The following CFAP70 variants were observed in gnomAD, a reference collection of about 807,000 sequenced individuals.
The protein encoded by CFAP70 is cilia- and flagella-associated protein 70.
Under a neutral mutation model 137.6 loss-of-function variants are expected in CFAP70, and 81 were observed. That is an observed-to-expected ratio of 0.59 (90% CI 0.49 to 0.71). The LOEUF (loss-of-function observed/expected upper bound fraction) is 0.71. Among genes scored for constraint, CFAP70 ranks in the 30% least tolerant of loss-of-function variants. CFAP70 has a pLI of 0.00. For synonymous variants in CFAP70, 382 were observed against 423.6 expected, an observed-to-expected ratio of 0.90 and a Z score of 1.20; for missense variants, 976 against 1,226.7, an observed-to-expected ratio of 0.80 and a Z score of 3.05.
chr10:73,301,504 A>T (rs2048952182), intron 12 of CFAP70, among the ~76,000 whole-genome samples: 1 of 152,252 alleles, frequency 6.6e-6, no homozygotes, highest in South Asian at 2.1e-4. Flanking sequence ...ATTAAATGAA[A>T]GAAGCCAGTC....
At chr10:73,277,412 G>A (rs1263496428) in intron 20 of CFAP70, 51 bp from the exon 22 acceptor site, 2 of 1,594,646 alleles carry the variant, frequency 1.3e-6, no homozygotes, top group South Asian at 2.2e-5. Context: ...CAGAAAAAGT[G>A]TCAGAAATTC....
chr10:73,291,215 C>T lies in CFAP70; in HGVS notation c.2239+11G>A. 1.9e-6 allele frequency: 3 copies of T among 1,613,512 alleles called. No homozygotes were observed. The highest frequency in any genetic ancestry group is 4.5e-5 in the East Asian group (2 of 44,864). On this transcript the variant is annotated intron_variant, in intron 19 of 26. Transcript: ENST00000310715. ...TAATAGCCACTCTTCACCTCTATTC[C>T]CTGGCTCTACCTGCTGGGGCTTCCA...
intron 19 of CFAP70, among the ~76,000 whole-genome samples, chr10:73,281,960 C>T (rs1381851424): frequency 1.3e-5 from 2 of 152,094 alleles, no homozygotes; most frequent in Admixed American, 6.5e-5. Flanking sequence ...GTGGACATAC[C>T]GACGTGATTC....
chr10:73,309,132 CT>C (rs1178472359), intron 12 of CFAP70, among the ~76,000 whole-genome samples: 2 of 152,070 alleles, frequency 1.3e-5, no homozygotes, highest in Non-Finnish European at 2.9e-5. Context: ...GATTGACAAA[CT>C]TTTAGCAAGA....
chr10:73,355,243 G>A (rs1289500284), intron 1 of CFAP70, among the ~76,000 whole-genome samples: 1 of 152,174 alleles, frequency 6.6e-6, no homozygotes, highest in Admixed American at 6.5e-5. Flanking sequence ...CAGCCACTCT[G>A]CATCACCTGC....
intron 19 of CFAP70, among the ~76,000 whole-genome samples, chr10:73,287,025 C>T (rs1425562690): frequency 6.6e-6 from 1 of 152,202 alleles, no homozygotes; most frequent in Non-Finnish European, 1.5e-5. Flanking sequence ...TTCCAGTAAA[C>T]TCACAACCTT....
In CFAP70 at chr10:73,311,593, A is replaced by G. The variant is rs140806764; in HGVS notation, c.1164+241T>C. On this transcript the variant is annotated intron_variant, in intron 11 of 26. Coordinates refer to ENST00000310715, the Ensembl canonical transcript of CFAP70. ...CATCCCTTATAATGTTTAACATAGT[A>G]GAATTAACAAAAGATATAATATTTT... Among the ~76,000 whole-genome samples, 47 of 152,348 alleles carry G rather than the reference A, an allele frequency of 3.1e-4. No homozygotes were observed. In the East Asian group the frequency reaches 8.9e-3, roughly 29 times the overall value.
intron 4 of CFAP70, among the ~76,000 whole-genome samples, chr10:73,346,576 G>A (rs1014367086): frequency 6.6e-6 from 1 of 151,768 alleles, no homozygotes; most frequent in African/African-American, 2.4e-5. Flanking sequence ...TCATGAAGTG[G>A]AGGTTGCAGT....
chr10:73,345,616 C>A (rs571380798), intron 4 of CFAP70, among the ~76,000 whole-genome samples: 1 of 152,100 alleles, frequency 6.6e-6, no homozygotes, highest in Admixed American at 6.5e-5. Flanking sequence ...ACCAGCCTGG[C>A]CAACACAGTG....
intron 3 of CFAP70, among the ~76,000 whole-genome samples, chr10:73,352,508 C>T (rs2054356802): frequency 6.6e-6 from 1 of 152,042 alleles, no homozygotes; most frequent in African/African-American, 2.4e-5. Flanking sequence ...CCATTGGTGT[C>T]TCCAGGTTGC....
intron 8 of CFAP70, among the ~76,000 whole-genome samples, chr10:73,325,471 A>G (rs950145389): frequency 6.6e-6 from 1 of 152,238 alleles, no homozygotes; most frequent in African/African-American, 2.4e-5. Flanking sequence ...GACGGGATCA[A>G]GTTCACACAT....
chr10:73,354,739 C>T (rs985861419), exon 2 of CFAP70: 2 of 1,613,804 alleles, frequency 1.2e-6, no homozygotes, highest in African/African-American at 2.7e-5. Context: ...TTTACCAAAT[C>T]ATATCCCTCT....
rs540354601 is a variant in CFAP70, at chr10:73,342,318, C to T, written c.400-737G>A. ...TTGGGAGATAGAGCCAGGAGGATCA[C>T]TTGAAGCCAGGAGCTTGAAACCAGC... On this transcript the variant is annotated intron_variant, in intron 5 of 26. Coordinates refer to ENST00000310715, the Ensembl canonical transcript of CFAP70. Among the ~76,000 whole-genome samples, 120 of 152,108 alleles carry T rather than the reference C, an allele frequency of 7.9e-4. 2 individuals carry two copies. In the South Asian group the frequency reaches 0.021, roughly 26 times the overall value.
rs187821134 is a variant in CFAP70 at position 73,358,284 on chromosome 10, T to C, written c.-40+430A>G. Among the ~76,000 whole-genome samples the C allele has an allele frequency of 1.9e-3, 286 of 152,300 alleles. 2 individuals carry two copies. Among genetic ancestry groups the C allele is most frequent in the African/African-American group, 6.5e-3 (269 of 41,558 alleles). ...GTGTTTGAATTATGAATGCAAGATA[T>C]AGGACTAAAGTTATAGTCAGGGCAG... On this transcript the variant is annotated intron_variant, in intron 1 of 26. Coordinates refer to ENST00000310715, the Ensembl canonical transcript of CFAP70.
chr10:73,293,363 G>A, exon 16 of CFAP70: 10 of 1,608,384 alleles, frequency 6.2e-6, no homozygotes, highest in Non-Finnish European at 7.6e-6. Flanking sequence ...GGTTGCAACA[G>A]TGCCTTGGAC....
At position 73,304,164 on chromosome 10, in the gene CFAP70, C is replaced by T. The variant is rs187222825; in HGVS notation, c.1257-4499G>A. On this transcript the variant is annotated intron_variant, in intron 12 of 26. Transcript: ENST00000310715. Reference sequence around the variant, plus strand: ...CTCCACCTCCTGGGTTCAAGCAATTCTGCCTCAGCCTCCCAAGTAGCTGGG... The same window carrying T: ...CTCCACCTCCTGGGTTCAAGCAATTTTGCCTCAGCCTCCCAAGTAGCTGGG... Among the ~76,000 whole-genome samples the T allele has an allele frequency of 1.8e-3, 268 of 152,044 alleles. 1 individual carries two copies. The highest frequency in any genetic ancestry group is 6.1e-3 in the African/African-American group (255 of 41,466).
chr10:73,277,385 T>C (rs553375209), intron 20 of CFAP70, 24 bp from the exon 22 acceptor site: 24 of 1,610,850 alleles, frequency 1.5e-5, no homozygotes, highest in Middle Eastern at 1.7e-4. Flanking sequence ...ATTAAAAGGA[T>C]TGAAGATTGG....
chr10:73,257,064 CTA>C (rs2044598329), intron 25 of CFAP70, among the ~76,000 whole-genome samples: 3 of 152,226 alleles, frequency 2.0e-5, no homozygotes, highest in South Asian at 4.1e-4. Context: ...CCACTCCGTA[CTA>C]TGTGATTTAC....
intron 12 of CFAP70, among the ~76,000 whole-genome samples, chr10:73,303,001 A>G (rs1039478402): frequency 8.9e-5 from 13 of 145,844 alleles, no homozygotes; most frequent in Middle Eastern, 3.6e-3. Context: ...TGCCTCAGCA[A>G]CCCCACCGCC....
Sources: gnomAD v4.1 joint callset for allele counts (sites outside exome capture counted in the v4.1 genomes callset) on GRCh38, gnomAD v4.1.1 for gene constraint, MANE v1.5 for transcripts, NCBI Gene and HGNC (gene_info 2026-07-23, HGNC 2026-07-21) for gene names.